The following NOPCHAP1 variants were observed in gnomAD, a reference collection of about 807,000 sequenced individuals.
The protein encoded by NOPCHAP1 is DNA damage-sensitive RNA 1.
A neutral mutation model predicts 14.0 loss-of-function variants in NOPCHAP1; 13 were observed. That is an observed-to-expected ratio of 0.93 (90% CI 0.60 to 1.47). The LOEUF (loss-of-function observed/expected upper bound fraction) is 1.47, where lower values mean the gene tolerates loss of function less well. NOPCHAP1 is among the 40% of genes most tolerant of loss of function. The probability of loss-of-function intolerance (pLI) is 0.00; values close to 1 mark genes in which losing one functional copy is unlikely to be tolerated. For missense variants in NOPCHAP1, 230 were observed against 226.9 expected (o/e 1.01, Z -0.09); for synonymous variants, 78 against 78.4 (o/e 1.00, Z 0.03).
rs976513264 is a variant in NOPCHAP1, at chr12:104,997,176, G to A, written c.*2480G>A. ...GACTTGTCTGTGTGGTTGCTTTATA[G>A]TGTTACTAATCTACCTACTTAAGTG... On this transcript the variant is annotated 3_prime_UTR_variant, in exon 4 of 4. Transcript: ENST00000552951. The A allele has an allele frequency of 2.0e-5, 3 of 152,180 alleles. No homozygotes were observed. The highest frequency in any genetic ancestry group is 4.4e-5 in the Non-Finnish European group (3 of 68,034). 9.4% of individuals were successfully genotyped at this position (152,180 alleles called of 1,614,324 possible).
intron 2 of NOPCHAP1, among the ~76,000 whole-genome samples, chr12:104,990,624 G>T (rs1453142917): frequency 1.3e-5 from 2 of 152,156 alleles, no homozygotes; most frequent in Non-Finnish European, 2.9e-5. Flanking sequence ...TAAGTTTTGA[G>T]AGTCTGTTAT....
chr12:104,988,254 G>T lies in NOPCHAP1; in HGVS notation c.202+1G>T. The T allele has an allele frequency of 1.2e-6, 2 of 1,603,014 alleles. No homozygotes were observed. Among genetic ancestry groups the T allele is most frequent in the Non-Finnish European group, 1.7e-6 (2 of 1,170,984 alleles). ...ACAGTTCGGATAGAGAGGAGTCCCT[G>T]TAAGTACCTCTTCCCCTCTCTCACC... On this transcript the variant is annotated splice_donor_variant, in intron 2 of 3. Coordinates refer to ENST00000552951, the MANE Select transcript of NOPCHAP1 (RefSeq NM_152318.3). LOFTEE classifies it high-confidence loss of function.
At chr12:104,994,311 C>T (rs1037609098) in intron 3 of NOPCHAP1, among the ~76,000 whole-genome samples, 167 bp from the exon 4 acceptor site, 7 of 152,202 alleles carry the variant, frequency 4.6e-5, no homozygotes, top group Non-Finnish European at 7.3e-5. Flanking sequence ...CACACCACTG[C>T]ACTCCAGTCT....
Position 104,996,519 on chromosome 12 carries a change from C to T in NOPCHAP1, c.*1823C>T, listed in dbSNP as rs541275087. On this transcript the variant is annotated 3_prime_UTR_variant, in exon 4 of 4. Transcript: ENST00000552951. ...GTAGTTTTAAATCTGCACCCTCCTC[C>T]CACCCTCCATCCTCAAGTGGGCCCT... is the stretch of plus-strand genomic sequence containing the variant. 5 of 152,078 alleles carry T rather than the reference C, an allele frequency of 3.3e-5. No homozygotes were observed. Among genetic ancestry groups the T allele is most frequent in the Non-Finnish European group, 7.4e-5 (5 of 68,020 alleles). 9.4% of individuals were successfully genotyped at this position (152,078 alleles called of 1,614,324 possible).
rs1873761843 is a variant in NOPCHAP1, at chr12:105,009,004, T to G, written c.*14308T>G. On this transcript the variant is annotated 3_prime_UTR_variant, in exon 4 of 4. Transcript: ENST00000552951. ...TTCATATGAAATTTAAAGTAGTTTT[T>G]TCTAATTCTGTGAAGAAAGTCAATG... 6.6e-6 allele frequency: 1 copy of G among 152,232 alleles called. No individual in the cohort carries two copies. The highest frequency in any genetic ancestry group is 1.5e-5 in the Non-Finnish European group (1 of 68,036). 9.4% of individuals were successfully genotyped at this position (152,232 alleles called of 1,614,324 possible). A position where few individuals can be genotyped will look rare whatever the true frequency, so the allele number is the denominator to read the frequency against.
At chr12:104,987,607 T>G (rs1873269183) in intron 1 of NOPCHAP1, among the ~76,000 whole-genome samples, 2 of 152,192 alleles carry the variant, frequency 1.3e-5, no homozygotes, top group African/African-American at 4.8e-5. Flanking sequence ...CTTGGAACTC[T>G]GATGGGATAG....
At chr12:104,988,039 T>TAA in intron 1 of NOPCHAP1, 128 bp from the exon 2 acceptor site, 5 of 561,854 alleles carry the variant, frequency 8.9e-6, no homozygotes, top group Non-Finnish European at 9.3e-6. Context: ...AGTTCTCCTT[T>TAA]AAAAAAAAAA....
chr12:105,004,186 T>C lies in NOPCHAP1; in HGVS notation c.*9490T>C, dbSNP rs1873663762. On this transcript the variant is annotated 3_prime_UTR_variant, in exon 4 of 4. Transcript: ENST00000552951. ...CTTTATTCTCTTCTATGGTAGAGTT[T>C]AGAAAGCTTAATTTTGTGCATGGTG... is the stretch of plus-strand genomic sequence containing the variant. 2 of 152,218 alleles carry C rather than the reference T, an allele frequency of 1.3e-5. No homozygotes were observed. The highest frequency in any genetic ancestry group is 1.3e-4 in the Admixed American group (2 of 15,278). 9.4% of individuals were successfully genotyped at this position (152,218 alleles called of 1,614,324 possible). A position where few individuals can be genotyped will look rare whatever the true frequency, so the allele number is the denominator to read the frequency against.
intron 3 of NOPCHAP1, among the ~76,000 whole-genome samples, chr12:104,993,016 T>C (rs533169814): frequency 6.0e-4 from 92 of 152,302 alleles, no homozygotes; most frequent in African/African-American, 2.2e-3. Flanking sequence ...TGCGGTTTTC[T>C]CAGGTAGAAT....
intron 2 of NOPCHAP1, among the ~76,000 whole-genome samples, chr12:104,991,436 T>C (rs1172259843): frequency 6.6e-6 from 1 of 152,222 alleles, no homozygotes; most frequent in African/African-American, 2.4e-5. Context: ...TCACACTGCC[T>C]CCCTATTTAG....
chr12:104,994,097 C>T (rs959812983), intron 3 of NOPCHAP1, among the ~76,000 whole-genome samples: 2 of 152,268 alleles, frequency 1.3e-5, no homozygotes, highest in African/African-American at 2.4e-5. Flanking sequence ...GTAATTGCAG[C>T]GCTTTGGGAG....
rs530175879 is a variant in NOPCHAP1, at chr12:105,016,884, T to C, written c.*22188T>C. ...GTGTGTGGAAAGTGCATCACTGTTG[T>C]GCTTTGGTTGTCCAACTCTTTGCTT... On this transcript the variant is annotated 3_prime_UTR_variant, in exon 4 of 4. Coordinates refer to ENST00000552951, the MANE Select transcript of NOPCHAP1 (RefSeq NM_152318.3). The C allele has an allele frequency of 1.3e-5, 2 of 152,318 alleles. No homozygotes were observed. The highest frequency in any genetic ancestry group is 1.9e-4 in the East Asian group (1 of 5,186). 9.4% of individuals were successfully genotyped at this position (152,318 alleles called of 1,614,324 possible).
In NOPCHAP1 at chr12:105,012,698, A is replaced by G. The variant is rs1282976724; in HGVS notation, c.*18002A>G. The G allele has an allele frequency of 6.6e-6, 1 of 152,254 alleles. No homozygotes were observed. Among genetic ancestry groups the G allele is most frequent in the Non-Finnish European group, 1.5e-5 (1 of 68,132 alleles). The allele number at this position is 152,254 out of a possible 1,614,324, so 9.4% of individuals were successfully genotyped here. A position where few individuals can be genotyped will look rare whatever the true frequency, so the allele number is the denominator to read the frequency against. On this transcript the variant is annotated 3_prime_UTR_variant, in exon 4 of 4. Coordinates refer to ENST00000552951, the MANE Select transcript of NOPCHAP1 (RefSeq NM_152318.3). Reference sequence around the variant, plus strand: ...GTGTGGACGTCCTTTTTGTTGATGTAGATGCTATTCCTTTCTGTTAGTTTT... The same window carrying G: ...GTGTGGACGTCCTTTTTGTTGATGTGGATGCTATTCCTTTCTGTTAGTTTT...
In NOPCHAP1 at chr12:104,994,568, G is replaced by T. The variant is rs1285365196; in HGVS notation, c.430G>T (p.Glu144Ter). The change falls in exon 4 of 4, where the codon GAA (glutamate) becomes TAA (stop). Residue 144 changes from glutamate to a stop codon, truncating the protein, a stop_gained. Transcript: ENST00000552951. LOFTEE classifies it high-confidence loss of function. Reference protein sequence around the residue: ...SSQDSSENSSESEDEDDSIPS... With the variant: ...SSQDSSENSS Reference sequence around the variant, plus strand: ...ACAAGACAGTTCAGAGAACAGTTCAGAATCAGAAGACGAAGATGACAGCAT... The same window carrying T: ...ACAAGACAGTTCAGAGAACAGTTCATAATCAGAAGACGAAGATGACAGCAT... The T allele has an allele frequency of 6.2e-7, 1 of 1,612,596 alleles. No homozygotes were observed. The highest frequency in any genetic ancestry group is 8.5e-7 in the Non-Finnish European group (1 of 1,179,242).
rs900932359 is a variant in NOPCHAP1 at position 105,016,246 on chromosome 12, G to T, written c.*21550G>T. 1 of 152,130 alleles carries T rather than the reference G, an allele frequency of 6.6e-6. No homozygotes were observed. The allele number at this position is 152,130 out of a possible 1,614,324, so 9.4% of individuals were successfully genotyped here. A position where few individuals can be genotyped will look rare whatever the true frequency, so the allele number is the denominator to read the frequency against. The stretch of plus-strand genomic sequence containing the variant: ...TGAAGAAGTAATTCACAGAAAAAGG[G>T]TCAACTCCATTTATCAGAGAAATGC... On this transcript the variant is annotated 3_prime_UTR_variant, in exon 4 of 4. Transcript: ENST00000552951.
In NOPCHAP1 at chr12:105,013,188, G is replaced by A. The variant is rs987593736; in HGVS notation, c.*18492G>A. The A allele has an allele frequency of 2.0e-5, 3 of 152,348 alleles. No homozygotes were observed. Among genetic ancestry groups the A allele is most frequent in the African/African-American group, 7.2e-5 (3 of 41,458 alleles). 9.4% of individuals were successfully genotyped at this position (152,348 alleles called of 1,614,324 possible). ...CTTTCAGAGATGCCCTGCCAGAGAG[G>A]AATCTAGAGAGGCAGTCTAGGCACA... On this transcript the variant is annotated 3_prime_UTR_variant, in exon 4 of 4. Transcript: ENST00000552951.
intron 3 of NOPCHAP1, among the ~76,000 whole-genome samples, chr12:104,993,880 T>C (rs1379711780): frequency 6.6e-6 from 1 of 152,178 alleles, no homozygotes; most frequent in Non-Finnish European, 1.5e-5. Flanking sequence ...GTACCTAGTG[T>C]AGTGCCTAAC....
Position 105,015,763 on chromosome 12 carries a change from A to G in NOPCHAP1, c.*21067A>G, listed in dbSNP as rs998145217. On this transcript the variant is annotated 3_prime_UTR_variant, in exon 4 of 4. Coordinates refer to ENST00000552951, the MANE Select transcript of NOPCHAP1 (RefSeq NM_152318.3). ...CAGGCATCCTCTGGGGGGTCTTGGA[A>G]TGTATCCCCCATGGATAAGACTACT... 1 of 152,234 alleles carries G rather than the reference A, an allele frequency of 6.6e-6. No individual in the cohort carries two copies. Among genetic ancestry groups the G allele is most frequent in the African/African-American group, 2.4e-5 (1 of 41,466 alleles). The allele number at this position is 152,234 out of a possible 1,614,324, so 9.4% of individuals were successfully genotyped here.
rs1404464067 is a variant in NOPCHAP1 at position 104,994,409 on chromosome 12, A to G, written c.340-69A>G. On this transcript the variant is annotated intron_variant, in intron 3 of 3. Coordinates refer to ENST00000552951, the MANE Select transcript of NOPCHAP1 (RefSeq NM_152318.3). ...TGTTTGCTGAATGTTGGTTCTTCCC[A>G]ATATTGTTTTATTACGACTTTTTAA... 4 of 1,360,342 alleles carry G rather than the reference A, an allele frequency of 2.9e-6. No homozygotes were observed. The Admixed American group carries it at 5.1e-5, about 17-fold the overall frequency. The allele number at this position is 1,360,342 out of a possible 1,614,324, so 84.3% of individuals were successfully genotyped here.
Sources: gnomAD v4.1 joint callset for allele counts (sites outside exome capture counted in the v4.1 genomes callset) on GRCh38, gnomAD v4.1.1 for gene constraint, MANE v1.5 for transcripts, NCBI Gene and HGNC (gene_info 2026-07-23, HGNC 2026-07-21) for gene names.